Variants in HSD17B2 observed in about 807,000 individuals in gnomAD.
HSD17B2 encodes the protein hydroxysteroid 17-beta dehydrogenase 2.
Under a neutral mutation model 26.9 loss-of-function variants are expected in HSD17B2, and 32 were observed. That is an observed-to-expected ratio of 1.19 (90% CI 0.90 to 1.60). The LOEUF is 1.60. HSD17B2 is among the 40% of genes most tolerant of loss of function. The pLI, the probability that HSD17B2 is intolerant of heterozygous loss-of-function variation, is 0.00. For missense variants in HSD17B2, 613 were observed against 468.6 expected (o/e 1.31, Z -2.85); for synonymous variants, 246 against 186.7 (o/e 1.32, Z -2.59).
chr16:82,072,864 T>C (rs1179157160), intron 3 of HSD17B2, among the ~76,000 whole-genome samples: 2 of 152,186 alleles, frequency 1.3e-5, no homozygotes, highest in Non-Finnish European at 2.9e-5. Flanking sequence ...GATACCAGCC[T>C]GGGCAACATA....
At chr16:82,096,350 G>A (rs1258348554) in intron 4 of HSD17B2, 1 of 152,060 alleles carries the variant, frequency 6.6e-6, no homozygotes, top group African/African-American at 2.4e-5. Flanking sequence ...AGCCTCCCAG[G>A]TAGCTGGGAT....
At chr16:82,072,514 T>G (rs963264232) in intron 3 of HSD17B2, among the ~76,000 whole-genome samples, 3 of 152,180 alleles carry the variant, frequency 2.0e-5, no homozygotes, top group African/African-American at 7.2e-5. Context: ...AAATATTTAC[T>G]GAAATAACAG....
intron 1 of HSD17B2, among the ~76,000 whole-genome samples, chr16:82,047,469 T>C (rs899425719): frequency 3.3e-5 from 5 of 152,206 alleles, no homozygotes; most frequent in Non-Finnish European, 1.5e-5. Flanking sequence ...TAGTGGCAAA[T>C]AGTATGCGTT....
intron 3 of HSD17B2, among the ~76,000 whole-genome samples, chr16:82,078,637 G>A (rs113053735): frequency 0.022 from 3,318 of 152,258 alleles, 104 homozygotes; most frequent in African/African-American, 0.072. Context: ...CAACAGATGA[G>A]TGGATAAAGA....
intron 3 of HSD17B2, chr16:82,071,505 C>T (rs888982689): frequency 1.2e-5 from 4 of 341,398 alleles, no homozygotes; most frequent in Non-Finnish European, 2.3e-5. Context: ...GTGTTCAGTT[C>T]CCTGTAAGCT....
At chr16:82,059,722 G>A (rs1279005556) in intron 1 of HSD17B2, among the ~76,000 whole-genome samples, 1 of 152,144 alleles carries the variant, frequency 6.6e-6, no homozygotes, top group Non-Finnish European at 1.5e-5. Context: ...AAGTGGCACC[G>A]GGACAGTACA....
At chr16:82,057,236 G>C (rs149707409) in intron 1 of HSD17B2, among the ~76,000 whole-genome samples, 2 of 148,842 alleles carry the variant, frequency 1.3e-5, no homozygotes, top group African/African-American at 2.5e-5. Context: ...GTCCCCCTCC[G>C]TCACCAGGCT....
intron 1 of HSD17B2, among the ~76,000 whole-genome samples, chr16:82,048,343 C>T (rs944386126): frequency 6.6e-6 from 1 of 152,098 alleles, no homozygotes; most frequent in Non-Finnish European, 1.5e-5. Flanking sequence ...ATGAGATGAG[C>T]TGATAGCTCT....
intron 1 of HSD17B2, among the ~76,000 whole-genome samples, chr16:82,064,262 C>T (rs528179944): frequency 6.6e-6 from 1 of 152,342 alleles, no homozygotes; most frequent in East Asian, 1.9e-4. Context: ...TCCTTGCTCG[C>T]ATCCCTTTAC....
At position 82,068,148 on chromosome 16, in the gene HSD17B2, C is replaced by T. The variant is rs374829627; in HGVS notation, c.266-22C>T. The T allele has an allele frequency of 2.1e-5, 33 of 1,608,782 alleles. No individual in the cohort carries two copies. The African/African-American group carries it at 3.5e-4, about 17-fold the overall frequency. ...TGTCACTCTGGTTTGACCTCACTCC[C>T]TACTCCCCTGACCCTATGCAGGTGG... On this transcript the variant is annotated intron_variant, in intron 1 of 4. Transcript: ENST00000199936.
intron 3 of HSD17B2, chr16:82,090,171 T>C (rs928818733): frequency 6.3e-6 from 6 of 952,332 alleles, no homozygotes; most frequent in Non-Finnish European, 6.3e-6. Flanking sequence ...ACAGGTGCTG[T>C]AGTGGGTTGA....
chr16:82,038,551 T>C (rs964672497), intron 1 of HSD17B2, among the ~76,000 whole-genome samples: 10 of 152,180 alleles, frequency 6.6e-5, no homozygotes. Context: ...GGTTGTATGA[T>C]GCATTTTAAA....
intron 4 of HSD17B2, 40 bp from the exon 5 acceptor site, chr16:82,098,035 C>T (rs1904904968): frequency 3.2e-6 from 5 of 1,571,436 alleles, no homozygotes; most frequent in Non-Finnish European, 3.5e-6. Context: ...ACTTCCTTGG[C>T]CTTCCCAGGA....
chr16:82,095,290 G>C (rs990965369), intron 4 of HSD17B2: 1 of 152,216 alleles, frequency 6.6e-6, no homozygotes, highest in Non-Finnish European at 1.5e-5. Flanking sequence ...TAAGCACGGT[G>C]TGTGCCTTCC....
chr16:82,096,106 G>A (rs1488240212), intron 4 of HSD17B2: 1 of 151,958 alleles, frequency 6.6e-6, no homozygotes, highest in African/African-American at 2.4e-5. Context: ...TTAATTGCAT[G>A]TAGTTTGTGT....
At chr16:82,065,088 G>C (rs567207193) in intron 1 of HSD17B2, among the ~76,000 whole-genome samples, 1 of 152,200 alleles carries the variant, frequency 6.6e-6, no homozygotes, top group Non-Finnish European at 1.5e-5. Context: ...AGGGGAAGCT[G>C]GGAAGCTCTC....
chr16:82,046,661 T>C (rs1279980137), intron 1 of HSD17B2, among the ~76,000 whole-genome samples: 1 of 151,170 alleles, frequency 6.6e-6, no homozygotes, highest in East Asian at 1.9e-4. Context: ...GAGTCAGATG[T>C]TGCAGTGAGC....
intron 1 of HSD17B2, among the ~76,000 whole-genome samples, chr16:82,065,148 G>T (rs1009767676): frequency 6.6e-6 from 1 of 152,162 alleles, no homozygotes; most frequent in Non-Finnish European, 1.5e-5. Flanking sequence ...AGTGTTTGTG[G>T]GATGCAAGGC....
At position 82,068,199 on chromosome 16, in the gene HSD17B2, T is replaced by G; in HGVS notation, c.295T>G (p.Cys99Gly). 1 of 1,614,206 alleles carries G rather than the reference T, an allele frequency of 6.2e-7. No individual in the cohort carries two copies. The highest frequency in any genetic ancestry group is 8.5e-7 in the Non-Finnish European group (1 of 1,180,038). The change falls in exon 2 of 5, where the codon TGC (cysteine) becomes GGC (glycine). Residue 99 changes from cysteine (C) to glycine (G), a missense_variant. Physicochemically the swap from Cys to Gly is radical, Grantham distance 159. Transcript: ENST00000199936. ...GGDCGLGHAL[C>G]KYLDELGFTV... ...TGATTGCGGGCTTGGCCATGCTTTG[T>G]GCAAGTATCTGGATGAGCTGGGCTT...
Sources: gnomAD v4.1 joint callset for allele counts (sites outside exome capture counted in the v4.1 genomes callset) on GRCh38, gnomAD v4.1.1 for gene constraint, MANE v1.5 for transcripts, NCBI Gene and HGNC (gene_info 2026-07-23, HGNC 2026-07-21) for gene names.